Variants in POGZ observed in about 807,000 individuals in gnomAD.
POGZ encodes the protein pogo transposable element with ZNF domain.
A neutral mutation model predicts 134.6 loss-of-function variants in POGZ; 17 were observed. The observed-to-expected ratio is 0.13, with a 90% CI of 0.09 to 0.19. The LOEUF (loss-of-function observed/expected upper bound fraction) is 0.19, where lower values mean the gene tolerates loss of function less well. Among genes scored for constraint, POGZ ranks in the 10% least tolerant of loss-of-function variants. POGZ has a pLI of 1.00. For synonymous variants in POGZ, 693 were observed against 657.1 expected, an observed-to-expected ratio of 1.05 and a Z score of -0.84; for missense variants, 1,306 against 1,769.7, an observed-to-expected ratio of 0.74 and a Z score of 4.70.
chr1:151,416,965 A>G (rs1230827576), intron 10 of POGZ, among the ~76,000 whole-genome samples: 3 of 152,022 alleles, frequency 2.0e-5, no homozygotes, highest in East Asian at 3.9e-4. Context: ...TGTTATCACA[A>G]TTAAATATAA....
rs1653677338 is a variant in POGZ, at chr1:151,406,553, C to CA, written c.2570+53dup. 4 of 1,551,364 alleles carry CA rather than the reference C, an allele frequency of 2.6e-6. No homozygotes were observed. The South Asian group carries it at 4.8e-5, about 18-fold the overall frequency. Reference sequence around the variant, plus strand: ...AATATGATAATAATAATAATAATAACAGAGTAAACACACTGCAAACCAGAA... The same window carrying CA: ...AATATGATAATAATAATAATAATAACAAGAGTAAACACACTGCAAACCAGAA... On this transcript the variant is annotated intron_variant, in intron 18 of 18. Transcript: ENST00000271715.
intron 10 of POGZ, among the ~76,000 whole-genome samples, 164 bp from the exon 11 acceptor site, chr1:151,412,560 G>A (rs778458678): frequency 7.9e-5 from 12 of 152,042 alleles, no homozygotes; most frequent in Admixed American, 2.6e-4. Flanking sequence ...TAACATATAT[G>A]TTGCTGATAA....
chr1:151,435,958 CTT>C (rs58367755), intron 3 of POGZ, among the ~76,000 whole-genome samples: 10 of 134,794 alleles, frequency 7.4e-5, no homozygotes, highest in African/African-American at 8.2e-5. Context: ...ATTTTCTTTT[CTT>C]TTTTTTTTTT....
At chr1:151,456,684 G>A (rs1470407972) in intron 1 of POGZ, among the ~76,000 whole-genome samples, 2 of 152,200 alleles carry the variant, frequency 1.3e-5, no homozygotes, top group Non-Finnish European at 2.9e-5. Flanking sequence ...CGGGCACGGT[G>A]GCTCATGCCT....
At chr1:151,420,112 C>T (rs1159108793) in intron 10 of POGZ, among the ~76,000 whole-genome samples, 1 of 152,012 alleles carries the variant, frequency 6.6e-6, no homozygotes, top group Non-Finnish European at 1.5e-5. Flanking sequence ...TGCTTGAGCC[C>T]AGGGGTTCGA....
intron 1 of POGZ, among the ~76,000 whole-genome samples, chr1:151,455,501 A>G (rs1662656719): frequency 6.6e-6 from 1 of 152,068 alleles, no homozygotes. Context: ...CATTTTTTTG[A>G]CTCTTAAAAT....
intron 8 of POGZ, chr1:151,424,489 A>T (rs1316274740): frequency 1.3e-5 from 6 of 445,704 alleles, no homozygotes; most frequent in Non-Finnish European, 2.4e-5. Context: ...TATACTTTGT[A>T]TTTCTCCCTC....
At chr1:151,424,374 G>A (rs1657423604) in intron 8 of POGZ, 88 bp from the exon 9 acceptor site, 2 of 852,358 alleles carry the variant, frequency 2.3e-6, no homozygotes, top group African/African-American at 1.7e-5. Context: ...CTTGTTAACG[G>A]TTTGGTTTCA....
chr1:151,429,897 A>T lies in POGZ; in HGVS notation c.460-186T>A, dbSNP rs191501704. Among the ~76,000 whole-genome samples the T allele has an allele frequency of 8.1e-3, 1,235 of 152,244 alleles. 10 individuals carry two copies. The highest frequency in any genetic ancestry group is 0.014 in the Non-Finnish European group (932 of 68,018). ...ATTCTGGCAAACTTTTGAGAGACAA[A>T]ATATCAAAATTAGAGAACAAGCTTT... is the stretch of plus-strand genomic sequence containing the variant. On this transcript the variant is annotated intron_variant, in intron 4 of 18. Coordinates refer to ENST00000271715, the MANE Select transcript of POGZ (RefSeq NM_015100.4).
intron 7 of POGZ, 166 bp from the exon 8 acceptor site, chr1:151,425,227 T>C (rs113606300): frequency 5.0e-5 from 24 of 482,648 alleles, no homozygotes; most frequent in African/African-American, 3.3e-4. Flanking sequence ...TGAGACACGG[T>C]CTCTCAGTCT....
At chr1:151,423,876 A>G in intron 9 of POGZ, 73 bp downstream of exon 9, 1 of 1,221,128 alleles carries the variant, frequency 8.2e-7, no homozygotes, top group Non-Finnish European at 1.1e-6. Flanking sequence ...TCCAAAGAGA[A>G]AGACTTAAAA....
intron 11 of POGZ, 23 bp from the exon 12 acceptor site, chr1:151,411,794 T>G: frequency 6.3e-7 from 1 of 1,592,378 alleles, no homozygotes; most frequent in Non-Finnish European, 8.5e-7. Context: ...GGAGGGAAAA[T>G]AAGGCTAAGA....
chr1:151,408,007 G>A (rs1653966191), intron 15 of POGZ, 93 bp downstream of exon 15: 1 of 971,652 alleles, frequency 1.0e-6, no homozygotes, highest in Non-Finnish European at 1.4e-6. Flanking sequence ...GTGAGACCCT[G>A]TCTTCAAAAA....
At chr1:151,459,076 G>C (rs1663193545) in intron 1 of POGZ, 76 bp downstream of exon 1, 1 of 143,694 alleles carries the variant, frequency 7.0e-6, no homozygotes, top group Non-Finnish European at 1.5e-5. Context: ...GCCTCTGAAC[G>C]CCTCGCCGAG....
chr1:151,452,097 C>CAAAA (rs574531921), intron 1 of POGZ, among the ~76,000 whole-genome samples: 4 of 59,030 alleles, frequency 6.8e-5, no homozygotes, highest in South Asian at 9.2e-4. Flanking sequence ...GACTCCGTCT[C>CAAAA]AAAAAAAAAA....
At chr1:151,452,097 CA>C (rs574531921) in intron 1 of POGZ, among the ~76,000 whole-genome samples, 12,014 of 59,050 alleles carry the variant, frequency 0.2, 1,462 homozygotes, top group East Asian at 0.52. Flanking sequence ...GACTCCGTCT[CA>C]AAAAAAAAAA....
At chr1:151,417,850 T>TAA (rs1304818787) in intron 10 of POGZ, among the ~76,000 whole-genome samples, 1 of 152,144 alleles carries the variant, frequency 6.6e-6, no homozygotes, top group African/African-American at 2.4e-5. Context: ...TATTAGCATG[T>TAA]AAAAATAAGC....
intron 5 of POGZ, 60 bp downstream of exon 5, chr1:151,429,543 C>A (rs1300794095): frequency 2.4e-6 from 2 of 819,600 alleles, no homozygotes; most frequent in South Asian, 1.5e-5. Context: ...ATATTTAGAA[C>A]AATAAAAACA....
Position 151,428,160 on chromosome 1 carries a change from A to G in POGZ, c.822T>C (p.Ser274=). The G allele has an allele frequency of 6.2e-7, 1 of 1,614,152 alleles. No homozygotes were observed. Among genetic ancestry groups the G allele is most frequent in the East Asian group, 2.2e-5 (1 of 44,882 alleles). The change falls in exon 6 of 19, where the codon TCT becomes TCC. Residue 274 remains serine (S), a synonymous_variant. Coordinates refer to ENST00000271715, the MANE Select transcript of POGZ (RefSeq NM_015100.4). Reference sequence around the variant, plus strand: ...TCGTGGTCTGGTTTGACTGGCCTGGAGACTGAACAGCTAGTTGCCCCAGTG... The same window carrying G: ...TCGTGGTCTGGTTTGACTGGCCTGGGGACTGAACAGCTAGTTGCCCCAGTG... ...PTSLGQLAVQ[S]PGQSNQTTNP... is the part of the protein sequence containing the mutation.
Sources: gnomAD v4.1 joint callset for allele counts (sites outside exome capture counted in the v4.1 genomes callset) on GRCh38, gnomAD v4.1.1 for gene constraint, MANE v1.5 for transcripts, NCBI Gene and HGNC (gene_info 2026-07-23, HGNC 2026-07-21) for gene names.